CYP11B1: variants seen among roughly 807,000 people sequenced by gnomAD.
The protein encoded by CYP11B1 is cytochrome P450 11B1, mitochondrial.
CYP11B1 carries 34 observed loss-of-function variants against 48.3 expected under a neutral mutation model. That is an observed-to-expected ratio of 0.70 (90% confidence interval 0.54 to 0.94). The LOEUF is 0.94. CYP11B1 is among the 40% of genes least tolerant of loss of function. The pLI is 0.00. For synonymous variants in CYP11B1, 291 were observed against 262.5 expected, an observed-to-expected ratio of 1.11 and a Z score of -1.05; for missense variants, 688 against 657.4, an observed-to-expected ratio of 1.05 and a Z score of -0.51.
At position 142,877,141 on chromosome 8, in the gene CYP11B1, C is replaced by T. The variant is rs61751151; in HGVS notation, c.477G>A (p.Pro159=). 2.0e-5 allele frequency: 32 copies of T among 1,614,182 alleles called. No individual in the cohort carries two copies. In the South Asian group the frequency reaches 2.3e-4, roughly 12 times the overall value. ...AGTCCCTGGCCACTGCATCCACCAT[C>T]GGGAGGAACCTCTGCACAGCGTTGG... is the stretch of plus-strand genomic sequence containing the variant. The part of the protein sequence containing the change: ...LSPNAVQRFL[P]MVDAVARDFS... The change falls in exon 3 of 9, where the codon CCG becomes CCA. Residue 159 remains proline, a synonymous_variant. Transcript: ENST00000292427.
At chr8:142,878,971 C>G (rs1331494333) in intron 2 of CYP11B1, 61 bp downstream of exon 2, 1 of 1,598,388 alleles carries the variant, frequency 6.3e-7, no homozygotes. Flanking sequence ...TCCTGCCTCT[C>G]TCGCCTCCCC....
rs1816860090 is a variant in CYP11B1 at position 142,873,989 on chromosome 8, G to A, written c.*384C>T. ...ACAGTCTGCGCAGGGGCCCTGGCCA[G>A]GGGAAGAGGAACAGGGACATGTGAG... is the stretch of plus-strand genomic sequence containing the variant. On this transcript the variant is annotated 3_prime_UTR_variant, in exon 9 of 9. Coordinates refer to ENST00000292427, the MANE Select transcript of CYP11B1 (RefSeq NM_000497.4). 5.9e-6 allele frequency: 2 copies of A among 337,374 alleles called. No individual in the cohort carries two copies. The highest frequency in any genetic ancestry group is 1.2e-5 in the Non-Finnish European group (2 of 173,182). The allele number at this position is 337,374 out of a possible 1,614,324, so 20.9% of individuals were successfully genotyped here.
rs61751145 is a variant in CYP11B1 at position 142,877,272 on chromosome 8, C to A, written c.396-50G>T. The A allele has an allele frequency of 2.0e-6, 3 of 1,515,886 alleles. No individual in the cohort carries two copies. The African/African-American group carries it at 4.1e-5, about 21-fold the overall frequency. The allele number at this position is 1,515,886 out of a possible 1,614,324, so 93.9% of individuals were successfully genotyped here. A position where few individuals can be genotyped will look rare whatever the true frequency, so the allele number is the denominator to read the frequency against. ...TGAGGCCGCCCCAGCAAGACACAGGCCCTGACCCGTATCCCATCCTCCTTG... is the reference window on the plus strand; with the variant it reads ...TGAGGCCGCCCCAGCAAGACACAGGACCTGACCCGTATCCCATCCTCCTTG... On this transcript the variant is annotated intron_variant, in intron 2 of 8. Transcript: ENST00000292427.
intron 8 of CYP11B1, 142 bp from the exon 9 acceptor site, chr8:142,874,628 C>G: frequency 1.4e-6 from 1 of 734,058 alleles, no homozygotes; most frequent in South Asian, 1.5e-5. Flanking sequence ...TCCTGACCAG[C>G]CCCACCTTAC....
At chr8:142,875,460 C>G in intron 6 of CYP11B1, 148 bp from the exon 7 acceptor site, 1 of 1,185,594 alleles carries the variant, frequency 8.4e-7, no homozygotes, top group South Asian at 1.3e-5. Context: ...CTGCTGAGCC[C>G]GGCCAAACCT....
At chr8:142,876,102 A>T (rs62524999) in intron 5 of CYP11B1, 139 bp downstream of exon 5, 20,299 of 1,303,032 alleles carry the variant, frequency 0.016, 252 homozygotes, top group South Asian at 0.027. Context: ...CGTGTTTATC[A>T]CATCACAATC....
intron 4 of CYP11B1, 108 bp downstream of exon 4, chr8:142,876,573 TC>T (rs1333968486): frequency 6.4e-7 from 1 of 1,551,394 alleles, no homozygotes; most frequent in Non-Finnish European, 8.7e-7. Context: ...AGGTGAGGAA[TC>T]CCCGACCCCT....
intron 2 of CYP11B1, chr8:142,877,974 G>A: frequency 1.5e-6 from 1 of 666,960 alleles, no homozygotes; most frequent in Non-Finnish European, 2.5e-6. Flanking sequence ...GTACACATGT[G>A]CACAGACACT....
intron 1 of CYP11B1, 55 bp downstream of exon 1, chr8:142,879,520 G>A (rs1479280743): frequency 4.3e-6 from 7 of 1,614,128 alleles, no homozygotes; most frequent in Non-Finnish European, 5.1e-6. Flanking sequence ...GCAGGGTCCT[G>A]GGCAGCAAGG....
chr8:142,875,647 C>T, intron 6 of CYP11B1, 65 bp downstream of exon 6: 4 of 1,583,392 alleles, frequency 2.5e-6, no homozygotes, highest in Non-Finnish European at 3.5e-6. Flanking sequence ...TGTCTGCCAC[C>T]ACCCAGTGGG....
rs765770519 is a variant in CYP11B1, at chr8:142,875,128, A to C, written c.1227T>G (p.Ser409=). The change falls in exon 8 of 9, where the codon TCT becomes TCG. Residue 409 remains serine, a synonymous_variant. Transcript: ENST00000292427. The part of the protein sequence containing the change: ...AGTLVRVFLY[S]LGRNPALFPR... ...GGAACAAGGCGGGGTTGCGACCCAG[A>C]GAGTAGAGGAACACGCGCACCAATG... 46 of 1,614,080 alleles carry C rather than the reference A, an allele frequency of 2.8e-5. No individual in the cohort carries two copies. Among genetic ancestry groups the C allele is most frequent in the Middle Eastern group, 1.6e-4 (1 of 6,084 alleles).
intron 2 of CYP11B1, among the ~76,000 whole-genome samples, chr8:142,878,478 G>C (rs184885409): frequency 5.9e-5 from 9 of 152,322 alleles, no homozygotes; most frequent in Admixed American, 5.9e-4. Flanking sequence ...ATCCTCCCCA[G>C]TGCCATCAAC....
At position 142,879,048 on chromosome 8, in the gene CYP11B1, A is replaced by T. The variant is rs952727650; in HGVS notation, c.379T>A (p.Cys127Ser). 1.2e-6 allele frequency: 2 copies of T among 1,614,022 alleles called. No individual in the cohort carries two copies. The highest frequency in any genetic ancestry group is 4.5e-5 in the East Asian group (2 of 44,868). Reference protein sequence around the residue: ...VAYRQHRGHKCGVFLLNGPEW... With the variant: ...VAYRQHRGHKSGVFLLNGPEW... ...GCCGCTTACAGCAAGAACACGCCAC[A>T]TTTGTGCCCACGATGTTGTCTGTAG... Residue 127 changes from cysteine (C) to serine (S), a missense_variant, in exon 2 of 9, where the codon TGT becomes AGT. Coordinates refer to ENST00000292427, the MANE Select transcript of CYP11B1 (RefSeq NM_000497.4).
rs1380886573 is a variant in CYP11B1 at position 142,876,664 on chromosome 8, C to G, written c.799+18G>C. 4 of 1,597,374 alleles carry G rather than the reference C, an allele frequency of 2.5e-6. No homozygotes were observed. The highest frequency in any genetic ancestry group is 3.4e-6 in the Non-Finnish European group (4 of 1,172,406). ...TGGTGTCCCTTCCCCATAGCACTGC[C>G]CGGGTCCCTGGCCTCACCGTACTGG... On this transcript the variant is annotated intron_variant, in intron 4 of 8. Coordinates refer to ENST00000292427, the MANE Select transcript of CYP11B1 (RefSeq NM_000497.4).
Position 142,879,823 on chromosome 8 carries a change from C to T in CYP11B1, c.-10G>A, listed in dbSNP as rs770053556. On this transcript the variant is annotated 5_prime_UTR_variant, in exon 1 of 9. Transcript: ENST00000292427. ...TTGCCCTGAGTGCCATTCCAATGCTCCCTCCACCCTGTTCAGCTGCAATCC... is the reference window on the plus strand; with the variant it reads ...TTGCCCTGAGTGCCATTCCAATGCTTCCTCCACCCTGTTCAGCTGCAATCC... 11 of 1,611,998 alleles carry T rather than the reference C, an allele frequency of 6.8e-6. No homozygotes were observed. In the Admixed American group the frequency reaches 1.2e-4, roughly 17 times the overall value.
chr8:142,875,537 G>C, intron 6 of CYP11B1, among the ~76,000 whole-genome samples, 175 bp downstream of exon 6: 1 of 152,190 alleles, frequency 6.6e-6, no homozygotes, highest in South Asian at 2.1e-4. Context: ...GCGTTGAAGA[G>C]GGATTCCAGA....
rs779461311 is a variant in CYP11B1 at position 142,877,081 on chromosome 8, G to A, written c.537C>T (p.Asn179=). ...CGTCCAGGGTCAGGCTCCCCCGGGC[G>A]TTCTGCAGCACCTTCTTCTTCAGGG... ...SQALKKKVLQ[N]ARGSLTLDVQ... is the part of the protein sequence containing the mutation. Residue 179 remains asparagine (N), a synonymous_variant, in exon 3 of 9, where the codon AAC becomes AAT. Coordinates refer to ENST00000292427, the MANE Select transcript of CYP11B1 (RefSeq NM_000497.4). 8.9e-5 allele frequency: 143 copies of A among 1,613,798 alleles called. No individual in the cohort carries two copies. The highest frequency in any genetic ancestry group is 1.1e-4 in the Non-Finnish European group (124 of 1,179,960).
intron 5 of CYP11B1, 177 bp downstream of exon 5, chr8:142,876,064 C>G: frequency 8.8e-7 from 1 of 1,141,534 alleles, no homozygotes; most frequent in Non-Finnish European, 1.3e-6. Context: ...GAAAGGAACC[C>G]CCCATTCCAA....
rs1360820780 is a variant in CYP11B1 at position 142,879,558 on chromosome 8, G to A, written c.239+17C>T. On this transcript the variant is annotated intron_variant, in intron 1 of 8. Coordinates refer to ENST00000292427, the MANE Select transcript of CYP11B1 (RefSeq NM_000497.4). ...AGGGCTCTGGGTGTTCCCAGCGAGGGCCAGGGAGGGCTTTACCTGAAAATG... is the reference window on the plus strand; with the variant it reads ...AGGGCTCTGGGTGTTCCCAGCGAGGACCAGGGAGGGCTTTACCTGAAAATG... The A allele has an allele frequency of 7.4e-6, 12 of 1,614,148 alleles. No individual in the cohort carries two copies. Among genetic ancestry groups the A allele is most frequent in the African/African-American group, 1.3e-5 (1 of 75,066 alleles).
Sources: allele counts gnomAD v4.1 joint callset (sites outside exome capture counted in the v4.1 genomes callset), GRCh38; gene constraint gnomAD v4.1.1; transcripts MANE v1.5; gene names NCBI Gene and HGNC (gene_info 2026-07-23, HGNC 2026-07-21).